The following USP54 variants were observed in gnomAD, a reference collection of about 807,000 sequenced individuals.
USP54 encodes ubiquitin specific peptidase 54, also known as ubiquitin carboxyl-terminal hydrolase 54.
USP54 carries 87 observed loss-of-function variants against 170.5 expected under a neutral mutation model. That is an observed-to-expected ratio of 0.51 (90% confidence interval 0.43 to 0.61). The LOEUF is 0.61. Ranked by LOEUF, USP54 falls within the 20% of genes least tolerant of loss-of-function variation. The pLI is 0.00. For synonymous variants in USP54, 655 were observed against 742.8 expected, an observed-to-expected ratio of 0.88 and a Z score of 1.92; for missense variants, 1,786 against 2,047.8, an observed-to-expected ratio of 0.87 and a Z score of 2.47.
At chr10:73,539,307 A>AAAT (rs1322866362) in intron 10 of USP54, 137 bp downstream of exon 10, 48 of 280,240 alleles carry the variant, frequency 1.7e-4, no homozygotes, top group African/African-American at 9.5e-4. Flanking sequence ...AAAAAAAAAA[A>AAAT]ATATATATAT....
At chr10:73,587,902 C>T (rs1050273958) in intron 1 of USP54, among the ~76,000 whole-genome samples, 1 of 152,066 alleles carries the variant, frequency 6.6e-6, no homozygotes, top group African/African-American at 2.4e-5. Flanking sequence ...CACATTCAGG[C>T]CATTTACTAC....
intron 20 of USP54, chr10:73,513,529 T>C (rs1306855731): frequency 2.0e-5 from 3 of 151,886 alleles, no homozygotes; most frequent in Non-Finnish European, 2.9e-5. Flanking sequence ...AAGAAATAAA[T>C]TACAGTACAT....
In USP54 at chr10:73,536,061, T is replaced by C. The variant is rs555256319; in HGVS notation, c.1144+208A>G. 4.9e-6 allele frequency: 3 copies of C among 610,292 alleles called. No individual in the cohort carries two copies. In the South Asian group the frequency reaches 5.9e-5, roughly 12 times the overall value. The allele number at this position is 610,292 out of a possible 1,614,324, so 37.8% of individuals were successfully genotyped here. On this transcript the variant is annotated intron_variant, in intron 11 of 23. Transcript: ENST00000687698. Reference sequence around the variant, plus strand: ...TTTTCACTTCTGAGTTGAGGCCAAGTGATTTAGGCAACACTGTTTTGACAA... The same window carrying C: ...TTTTCACTTCTGAGTTGAGGCCAAGCGATTTAGGCAACACTGTTTTGACAA...
intron 4 of USP54, among the ~76,000 whole-genome samples, chr10:73,559,173 C>A (rs2072100260): frequency 1.3e-5 from 2 of 152,134 alleles, no homozygotes; most frequent in Non-Finnish European, 2.9e-5. Flanking sequence ...ATAATCCCAG[C>A]ACCTTGGGAG....
At chr10:73,591,459 C>T (rs780068579), upstream of USP54, 10 of 152,190 alleles carry the variant, frequency 6.6e-5, no homozygotes, top group Admixed American at 2.6e-4. Flanking sequence ...ACAAGGACTT[C>T]CCGCAGAACA....
chr10:73,501,974 A>G (rs948855066), intron 22 of USP54, among the ~76,000 whole-genome samples: 118 of 152,092 alleles, frequency 7.8e-4, no homozygotes, highest in African/African-American at 2.7e-3. Context: ...CTCTTGCCTT[A>G]TTATTCTTTA....
intron 11 of USP54, among the ~76,000 whole-genome samples, 157 bp from the exon 12 acceptor site, chr10:73,534,927 C>T: frequency 6.6e-6 from 1 of 152,218 alleles, no homozygotes; most frequent in Admixed American, 6.5e-5. Flanking sequence ...TTCTTCCCAA[C>T]ACCCAACTTC....
At chr10:73,554,421 G>A (rs1354346762) in intron 4 of USP54, among the ~76,000 whole-genome samples, 3 of 152,142 alleles carry the variant, frequency 2.0e-5, no homozygotes, top group Admixed American at 6.5e-5. Context: ...TGGCTTCTTT[G>A]TAAACACTAC....
At chr10:73,603,833 C>G (rs1041894636) in intron 1 of USP54, among the ~76,000 whole-genome samples, 1 of 151,828 alleles carries the variant, frequency 6.6e-6, no homozygotes, top group Non-Finnish European at 1.5e-5. Context: ...AGACATTTCT[C>G]CAAAGAAGAT....
At position 73,539,508 on chromosome 10, in the gene USP54, GAAT is replaced by G; in HGVS notation, c.908_910del (p.Tyr303del). The G allele has an allele frequency of 6.2e-7, 1 of 1,611,332 alleles. No homozygotes were observed. Among genetic ancestry groups the G allele is most frequent in the Non-Finnish European group, 8.5e-7 (1 of 1,178,292 alleles). On this transcript the variant is annotated inframe_deletion, in exon 10 of 24. Coordinates refer to ENST00000687698, the MANE Select transcript of USP54 (RefSeq NM_001391956.1). ...AATCTTTGTTTGAAAAAAGAATGTA[GAAT>G]AATGTTTGCCATAGTAACAGATCAT...
chr10:73,498,792 G>C lies in USP54; in HGVS notation c.4892C>G (p.Pro1631Arg), dbSNP rs1444632135. ...DPVPGSRTPG[P>R]RRVDMPPDDD... ...ATCTGGGGGCATATCTACTCTTCGA[G>C]GACCAGGGGTTCGGGACCCTGGAAC... The change falls in exon 24 of 24, where the codon CCT becomes CGT. Residue 1631 changes from proline to arginine, a missense_variant. By Grantham distance (103) the Pro-to-Arg change is moderately radical. Around this residue, in one of 3 missense-constraint regions of USP54, gnomAD observed 1,418 missense variants for 1,569.0 expected, o/e 0.90. Transcript: ENST00000687698. 13 of 1,613,390 alleles carry C rather than the reference G, an allele frequency of 8.1e-6. No individual in the cohort carries two copies. Among genetic ancestry groups the C allele is most frequent in the South Asian group, 5.5e-5 (5 of 91,028 alleles).
chr10:73,607,190 G>A (rs1228696422), intron 1 of USP54, among the ~76,000 whole-genome samples: 1 of 151,666 alleles, frequency 6.6e-6, no homozygotes, highest in African/African-American at 2.4e-5. Flanking sequence ...TGCACCTGTA[G>A]TCCCAACTAC....
At chr10:73,613,931 T>G (rs1564964105) in intron 1 of USP54, 1 of 149,696 alleles carries the variant, frequency 6.7e-6, no homozygotes, top group Admixed American at 6.7e-5. Flanking sequence ...GCAAAAGGAT[T>G]TAGTGGCTCA....
chr10:73,518,515 G>A (rs552428358), intron 19 of USP54, among the ~76,000 whole-genome samples: 5 of 152,036 alleles, frequency 3.3e-5, no homozygotes, highest in African/African-American at 7.2e-5. Context: ...TTCTGGAAAC[G>A]GTTTACCTAT....
chr10:73,540,110 A>G (rs1204073133), intron 9 of USP54, among the ~76,000 whole-genome samples: 2 of 152,052 alleles, frequency 1.3e-5, no homozygotes, highest in Non-Finnish European at 2.9e-5. Flanking sequence ...CCATCTCAAA[A>G]AAAGAAAGAA....
chr10:73,578,937 G>T (rs904183454), intron 1 of USP54, among the ~76,000 whole-genome samples: 1 of 146,038 alleles, frequency 6.8e-6, no homozygotes, highest in East Asian at 2.1e-4. Flanking sequence ...GTTGGGCAAA[G>T]ATTCCTTTTT....
At chr10:73,532,009 A>G (rs946641250) in intron 12 of USP54, among the ~76,000 whole-genome samples, 9 of 152,230 alleles carry the variant, frequency 5.9e-5, no homozygotes, top group African/African-American at 2.2e-4. Flanking sequence ...ACATGATAGC[A>G]TATGAGAATC....
At chr10:73,585,936 G>C (rs1489906993) in intron 1 of USP54, among the ~76,000 whole-genome samples, 2 of 152,100 alleles carry the variant, frequency 1.3e-5, no homozygotes, top group Non-Finnish European at 2.9e-5. Context: ...TCTTGAACCC[G>C]GGAGGCAGAG....
At chr10:73,595,384 T>A (rs2078643685), upstream of USP54, among the ~76,000 whole-genome samples, 1 of 152,324 alleles carries the variant, frequency 6.6e-6, no homozygotes, top group Middle Eastern at 3.4e-3. Context: ...AAGAGCTGGT[T>A]GTTTCACTCA....
Sources: allele counts gnomAD v4.1 joint callset (sites outside exome capture counted in the v4.1 genomes callset), GRCh38; gene constraint gnomAD v4.1.1; regional missense constraint gnomAD v4.1.1; transcripts MANE v1.5; gene names NCBI Gene and HGNC (gene_info 2026-07-23, HGNC 2026-07-21).